The following SNX19 variants were observed in gnomAD, a reference collection of about 807,000 sequenced individuals.
SNX19 encodes sorting nexin-19.
Under a neutral mutation model 85.2 loss-of-function variants are expected in SNX19, and 60 were observed. That is an observed-to-expected ratio of 0.70 (90% confidence interval 0.57 to 0.87). SNX19 has a LOEUF of 0.87. Ranked by LOEUF, SNX19 falls within the 40% of genes least tolerant of loss-of-function variation. The pLI, the probability that SNX19 is intolerant of heterozygous loss-of-function variation, is 0.00. For synonymous variants in SNX19, 520 were observed against 470.0 expected, an observed-to-expected ratio of 1.11 and a Z score of -1.38; for missense variants, 1,201 against 1,217.8, an observed-to-expected ratio of 0.99 and a Z score of 0.21.
At position 130,905,970 on chromosome 11, in the gene SNX19, G is replaced by T. The variant is rs1190026633; in HGVS notation, c.2426C>A (p.Pro809His). Reference sequence around the variant, plus strand: ...CCACTCACCTGGATCGCTGTTGCTGGGGTCTTGGGCTGGCACGGCTGCATC... The same window carrying T: ...CCACTCACCTGGATCGCTGTTGCTGTGGTCTTGGGCTGGCACGGCTGCATC... Reference protein sequence around the residue: ...VSDAAVPAQDPSNSDPGTETE... With the variant: ...VSDAAVPAQDHSNSDPGTETE... Residue 809 changes from proline to histidine, a missense_variant, in exon 7 of 11, where the codon CCC becomes CAC. By Grantham distance (77) the Pro-to-His change is moderately conservative (BLOSUM62 -2). Transcript: ENST00000265909. The T allele has an allele frequency of 6.2e-7, 1 of 1,614,094 alleles. No individual in the cohort carries two copies. Among genetic ancestry groups the T allele is most frequent in the Admixed American group, 1.7e-5 (1 of 60,002 alleles).
At chr11:130,908,510 G>T (rs1945847126) in intron 4 of SNX19, among the ~76,000 whole-genome samples, 1 of 152,186 alleles carries the variant, frequency 6.6e-6, no homozygotes, top group South Asian at 2.1e-4. Flanking sequence ...GAAAAGTGAA[G>T]AAGATGATCA....
chr11:130,914,948 T>A lies in SNX19; in HGVS notation c.992A>T (p.Glu331Val), dbSNP rs146758417. 380 of 1,607,946 alleles carry A rather than the reference T, an allele frequency of 2.4e-4. 2 individuals carry two copies. The highest frequency in any genetic ancestry group is 4.9e-4 in the East Asian group (22 of 44,880). The change falls in exon 1 of 11, where the codon GAA becomes GTA. Residue 331 changes from glutamate (E) to valine (V), a missense_variant. This residue lies in a region of SNX19 where 791 missense variants were observed against 750.9 expected (regional missense o/e 1.05). Coordinates refer to ENST00000265909, the MANE Select transcript of SNX19 (RefSeq NM_014758.3). Reference protein sequence around the residue: ...GSAGPSPEVEEGHEAVEGDLG... With the variant: ...GSAGPSPEVEVGHEAVEGDLG... Reference sequence around the variant, plus strand: ...ATCTCCCTCTACAGCTTCGTGGCCTTCTTCAACCTCTGGAGAGGGGCCTGC... The same window carrying A: ...ATCTCCCTCTACAGCTTCGTGGCCTACTTCAACCTCTGGAGAGGGGCCTGC...
Position 130,915,736 on chromosome 11 carries a change from GCTGGAGCCCAGCCATC to G in SNX19, c.188_203del (p.Gly63AlafsTer41). On this transcript the variant is annotated frameshift_variant, in exon 1 of 11. Coordinates refer to ENST00000265909, the MANE Select transcript of SNX19 (RefSeq NM_014758.3). LOFTEE classifies it high-confidence loss of function. ...GTCGACCTGAAGCCACTCCAGCGAG[GCTGGAGCCCAGCCATC>G]CTCCCAGCACCACTAGCAATGCCGA... is the stretch of plus-strand genomic sequence containing the variant. 6.2e-7 allele frequency: 1 copy of G among 1,614,224 alleles called. No homozygotes were observed. The highest frequency in any genetic ancestry group is 1.1e-5 in the South Asian group (1 of 91,084).
rs1946544533 is a variant in SNX19 at position 130,915,838 on chromosome 11, G to A, written c.102C>T (p.Val34=). The change falls in exon 1 of 11, where the codon GTC becomes GTT. Residue 34 remains valine, a synonymous_variant. Coordinates refer to ENST00000265909, the MANE Select transcript of SNX19 (RefSeq NM_014758.3). ...LSSRKLMAVG[V]LLGWLLVIHL... is the part of the protein sequence containing the mutation. ...GTATGACCAGGAGCCAGCCAAGCAA[G>A]ACCCCCACAGCCATCAGCTTCCGGC... 1 of 1,614,212 alleles carries A rather than the reference G, an allele frequency of 6.2e-7. No homozygotes were observed. Among genetic ancestry groups the A allele is most frequent in the South Asian group, 1.1e-5 (1 of 91,080 alleles).
intron 8 of SNX19, among the ~76,000 whole-genome samples, chr11:130,899,634 T>A (rs918732569): frequency 2.0e-5 from 3 of 152,230 alleles, no homozygotes; most frequent in Non-Finnish European, 4.4e-5. Context: ...CCAAATGGGC[T>A]AAGGATAAAG....
At chr11:130,905,659 C>T (rs896794560) in intron 7 of SNX19, 8 of 1,498,072 alleles carry the variant, frequency 5.3e-6, no homozygotes, top group African/African-American at 1.4e-5. Flanking sequence ...GTCTGATATG[C>T]CAAAGCATGC....
intron 8 of SNX19, chr11:130,893,673 G>A: frequency 1.6e-6 from 1 of 635,396 alleles, no homozygotes; most frequent in Non-Finnish European, 2.8e-6. Flanking sequence ...ACTGACTATG[G>A]GTAGAAAACA....
In SNX19 at chr11:130,868,323, G is replaced by C. The variant is rs967575437; in HGVS notation, c.*10099C>G. On this transcript the variant is annotated 3_prime_UTR_variant, in exon 11 of 11. Coordinates refer to ENST00000265909, the MANE Select transcript of SNX19 (RefSeq NM_014758.3). Reference sequence around the variant, plus strand: ...GGTGGGTGCGGAGCCCTTTCACCAGGAACTGGGTTGCAAAGTCTGTTAGTG... The same window carrying C: ...GGTGGGTGCGGAGCCCTTTCACCAGCAACTGGGTTGCAAAGTCTGTTAGTG... 8.5e-5 allele frequency: 13 copies of C among 152,108 alleles called. No individual in the cohort carries two copies. Among genetic ancestry groups the C allele is most frequent in the Admixed American group, 7.9e-4 (12 of 15,272 alleles). 9.4% of individuals were successfully genotyped at this position (152,108 alleles called of 1,614,324 possible).
chr11:130,884,420 G>T (rs576659129), intron 8 of SNX19, among the ~76,000 whole-genome samples: 1 of 152,218 alleles, frequency 6.6e-6, no homozygotes, highest in African/African-American at 2.4e-5. Flanking sequence ...TAAGTGGAAG[G>T]GATGGAATTT....
chr11:130,894,014 G>C, intron 8 of SNX19: 1 of 576,038 alleles, frequency 1.7e-6, no homozygotes, highest in Middle Eastern at 3.0e-4. Flanking sequence ...TAATGGGGGA[G>C]AGCCAAACGG....
At chr11:130,884,340 T>C (rs557523527) in intron 8 of SNX19, among the ~76,000 whole-genome samples, 3 of 152,300 alleles carry the variant, frequency 2.0e-5, no homozygotes, top group African/African-American at 7.2e-5. Context: ...ATTTCTACAC[T>C]GCATCTTTCT....
chr11:130,866,725 GA>G lies in SNX19; in HGVS notation c.*11696del, dbSNP rs1942779622. On this transcript the variant is annotated 3_prime_UTR_variant, in exon 11 of 11. Transcript: ENST00000265909. ...AGGAGCCCTTAGCTCTAGACTTACTGAACAGAAAGACCTTGGGTGAACTTTT... is the reference window on the plus strand; with the variant it reads ...AGGAGCCCTTAGCTCTAGACTTACTGACAGAAAGACCTTGGGTGAACTTTT... 1 of 152,218 alleles carries G rather than the reference GA, an allele frequency of 6.6e-6. No homozygotes were observed. Among genetic ancestry groups the G allele is most frequent in the African/African-American group, 2.4e-5 (1 of 41,436 alleles). 9.4% of individuals were successfully genotyped at this position (152,218 alleles called of 1,614,324 possible). A position where few individuals can be genotyped will look rare whatever the true frequency, so the allele number is the denominator to read the frequency against.
Position 130,915,525 on chromosome 11 carries a change from C to G in SNX19, c.415G>C (p.Val139Leu). 1 of 1,614,234 alleles carries G rather than the reference C, an allele frequency of 6.2e-7. No homozygotes were observed. Among genetic ancestry groups the G allele is most frequent in the Non-Finnish European group, 8.5e-7 (1 of 1,180,040 alleles). The change falls in exon 1 of 11, where the codon GTC becomes CTC. Residue 139 changes from valine (V) to leucine (L), a missense_variant. By Grantham distance (32) the Val-to-Leu change is conservative. Around this residue, in one of 3 missense-constraint regions of SNX19, gnomAD observed 791 missense variants for 750.9 expected, o/e 1.05. Coordinates refer to ENST00000265909, the MANE Select transcript of SNX19 (RefSeq NM_014758.3). Reference protein sequence around the residue: ...EEMEAAMKGLVQELRRRMSVM... With the variant: ...EEMEAAMKGLLQELRRRMSVM... The stretch of plus-strand genomic sequence containing the variant: ...CTCATCCTTCTCCGAAGCTCCTGGA[C>G]CAACCCTTTCATGGCTGCCTCCATT...
At chr11:130,894,646 G>C (rs1944747374) in intron 8 of SNX19, 1 of 985,452 alleles carries the variant, frequency 1.0e-6, no homozygotes, top group Non-Finnish European at 1.2e-6. Context: ...CCATGCAGCA[G>C]CAGTTTGGTA....
In SNX19 at chr11:130,914,549, G is replaced by T. The variant is rs201162937; in HGVS notation, c.1391C>A (p.Ser464Tyr). ...KEIEQGDVTASVTALLEGPEK... is the reference protein window; with the variant it reads ...KEIEQGDVTAYVTALLEGPEK... The stretch of plus-strand genomic sequence containing the variant: ...TGGCCCCTCCAGCAAAGCTGTAACA[G>T]AGGCGGTAACATCTCCTTGTTCTAT... Residue 464 changes from serine (S) to tyrosine (Y), a missense_variant, in exon 1 of 11, where the codon TCT becomes TAT. Physicochemically the swap from Ser to Tyr is moderately radical, Grantham distance 144 (BLOSUM62 -2). Transcript: ENST00000265909. 16 of 1,614,016 alleles carry T rather than the reference G, an allele frequency of 9.9e-6. No homozygotes were observed. In the East Asian group the frequency reaches 3.6e-4, roughly 36 times the overall value.
chr11:130,902,247 C>T (rs1002874887), intron 8 of SNX19, among the ~76,000 whole-genome samples: 5 of 152,188 alleles, frequency 3.3e-5, no homozygotes, highest in African/African-American at 9.7e-5. Flanking sequence ...GGAGATTGGG[C>T]GCTGGCATAG....
At position 130,880,633 on chromosome 11, in the gene SNX19, C is replaced by T. The variant is rs1326869534; in HGVS notation, c.2747G>A (p.Gly916Glu). 2 of 1,597,334 alleles carry T rather than the reference C, an allele frequency of 1.3e-6. No individual in the cohort carries two copies. The highest frequency in any genetic ancestry group is 2.3e-5 in the East Asian group (1 of 44,370). Reference sequence around the variant, plus strand: ...ATTGGTCCAATTACCTGGGAGGACTCCCATCAGGCTCTGCAAAGCCTGTTT... The same window carrying T: ...ATTGGTCCAATTACCTGGGAGGACTTCCATCAGGCTCTGCAAAGCCTGTTT... ...AEKQALQSLM[G>E]VLPDLVVEIL... Residue 916 changes from glycine (G) to glutamate (E), a missense_variant, in exon 9 of 11, where the codon GGA (glycine) becomes GAA (glutamate). Coordinates refer to ENST00000265909, the MANE Select transcript of SNX19 (RefSeq NM_014758.3).
At chr11:130,906,264 CT>C in intron 6 of SNX19, 131 bp from the exon 7 acceptor site, 1 of 892,554 alleles carries the variant, frequency 1.1e-6, no homozygotes, top group Non-Finnish European at 1.7e-6. Context: ...GCTATGACTC[CT>C]TTAGGAAAGA....
chr11:130,866,334 A>G lies in SNX19; in HGVS notation c.*12088T>C, dbSNP rs888807480. 1.3e-5 allele frequency: 2 copies of G among 152,254 alleles called. No homozygotes were observed. The highest frequency in any genetic ancestry group is 4.8e-5 in the African/African-American group (2 of 41,468). The allele number at this position is 152,254 out of a possible 1,614,324, so 9.4% of individuals were successfully genotyped here. On this transcript the variant is annotated 3_prime_UTR_variant, in exon 11 of 11. Transcript: ENST00000265909. ...ATGCAACATAGTCTTCATTCTTAAAAAGTACATAGTAAAGGTATGAAAAAC... is the reference window on the plus strand; with the variant it reads ...ATGCAACATAGTCTTCATTCTTAAAGAGTACATAGTAAAGGTATGAAAAAC...
Sources: allele counts gnomAD v4.1 joint callset (sites outside exome capture counted in the v4.1 genomes callset), GRCh38; gene constraint gnomAD v4.1.1; regional missense constraint gnomAD v4.1.1; transcripts MANE v1.5; gene names NCBI Gene and HGNC (gene_info 2026-07-23, HGNC 2026-07-21).